Variants in RCOR1 observed in about 807,000 individuals in gnomAD.
RCOR1 encodes REST corepressor.
RCOR1 carries 12 observed loss-of-function variants against 64.0 expected under a neutral mutation model. That is an observed-to-expected ratio of 0.19 (90% CI 0.12 to 0.30). RCOR1 has a LOEUF of 0.30. Among genes scored for constraint, RCOR1 ranks in the 10% least tolerant of loss-of-function variants. The probability of loss-of-function intolerance (pLI) is 1.00; values close to 1 mark genes in which losing one functional copy is unlikely to be tolerated. For synonymous variants in RCOR1, 279 were observed against 227.2 expected (o/e 1.23, Z -2.05); for missense variants, 502 against 621.2 (o/e 0.81, Z 2.04).
intron 2 of RCOR1, among the ~76,000 whole-genome samples, chr14:102,675,450 G>A (rs964263950): frequency 2.0e-5 from 3 of 152,018 alleles, no homozygotes; most frequent in East Asian, 1.9e-4. Context: ...TGCCAACATC[G>A]CCAATACTTT....
intron 4 of RCOR1, among the ~76,000 whole-genome samples, 153 bp from the exon 5 acceptor site, chr14:102,707,198 A>G (rs926052630): frequency 1.3e-5 from 2 of 152,230 alleles, no homozygotes; most frequent in Non-Finnish European, 2.9e-5. Context: ...CAAAGAATAG[A>G]AAAAGGGGCC....
rs1896129197 is a variant in RCOR1, at chr14:102,719,306, G to T, written c.1054-1701G>T. On this transcript the variant is annotated intron_variant, in intron 8 of 11. Coordinates refer to ENST00000262241, the MANE Select transcript of RCOR1 (RefSeq NM_015156.4). ...TAGGGTACATGTGCACAACGTGCAG[G>T]TTTATTACATATGTATGCATGTGCC... Among the ~76,000 whole-genome samples, 3 of 152,128 alleles carry T rather than the reference G, an allele frequency of 2.0e-5. No individual in the cohort carries two copies. The South Asian group carries it at 6.2e-4, about 32-fold the overall frequency.
intron 2 of RCOR1, among the ~76,000 whole-genome samples, chr14:102,674,921 G>A (rs763613228): frequency 8.6e-5 from 13 of 151,718 alleles, no homozygotes; most frequent in Admixed American, 2.6e-4. Flanking sequence ...TTAGCAGGGC[G>A]TGGTGGCAGG....
Position 102,592,672 on chromosome 14 carries a change from G to C in RCOR1, c.-215G>C. On this transcript the variant is annotated 5_prime_UTR_variant, in exon 1 of 12. Transcript: ENST00000262241. ...TTGGTGCCAGTGAAGTGAGGGCGGC[G>C]ATGAGAGCGAAAGTTGCGCTCGGCT... 1 of 1,228,130 alleles carries C rather than the reference G, an allele frequency of 8.1e-7. No individual in the cohort carries two copies. Among genetic ancestry groups the C allele is most frequent in the East Asian group, 3.2e-5 (1 of 31,482 alleles). 76.1% of individuals were successfully genotyped at this position (1,228,130 alleles called of 1,614,324 possible). A position where few individuals can be genotyped will look rare whatever the true frequency, so the allele number is the denominator to read the frequency against.
chr14:102,696,673 G>A (rs1341289619), intron 3 of RCOR1, among the ~76,000 whole-genome samples: 1 of 152,148 alleles, frequency 6.6e-6, no homozygotes, highest in Non-Finnish European at 1.5e-5. Context: ...TAAGATTGTT[G>A]TTGCCAGAGT....
rs141893390 is a variant in RCOR1, at chr14:102,593,569, C to T, written c.361+244C>T. Reference sequence around the variant, plus strand: ...GGGCCGGCGCCGCTGCCCCCTTGCGCCTCCGAGGACTGCGGGTGGCGTCGG... The same window carrying T: ...GGGCCGGCGCCGCTGCCCCCTTGCGTCTCCGAGGACTGCGGGTGGCGTCGG... On this transcript the variant is annotated intron_variant, in intron 2 of 11. Coordinates refer to ENST00000262241, the MANE Select transcript of RCOR1 (RefSeq NM_015156.4). 6.6e-3 allele frequency among the ~76,000 whole-genome samples: 1,013 copies of T among 152,360 alleles called. 11 individuals are homozygous for T. Among genetic ancestry groups the T allele is most frequent in the African/African-American group, 0.023 (977 of 41,582 alleles).
intron 2 of RCOR1, among the ~76,000 whole-genome samples, chr14:102,626,681 G>T (rs779045207): frequency 3.8e-4 from 58 of 152,284 alleles, no homozygotes; most frequent in Non-Finnish European, 5.0e-4. Context: ...GCCACAGCAG[G>T]CACAGTGAGG....
intron 3 of RCOR1, among the ~76,000 whole-genome samples, chr14:102,684,118 A>C (rs765510370): frequency 6.6e-6 from 1 of 152,004 alleles, no homozygotes; most frequent in Non-Finnish European, 1.5e-5. Context: ...CCAGAATCCA[A>C]CTCGCACGGG....
At chr14:102,672,183 A>C (rs548378994) in intron 2 of RCOR1, among the ~76,000 whole-genome samples, 7 of 152,146 alleles carry the variant, frequency 4.6e-5, no homozygotes, top group Admixed American at 4.6e-4. Flanking sequence ...TGGGCTGTAT[A>C]CCTAGGAGTG....
At chr14:102,681,748 C>G in intron 2 of RCOR1, 147 bp from the exon 3 acceptor site, 1 of 566,820 alleles carries the variant, frequency 1.8e-6, no homozygotes, top group Non-Finnish European at 3.1e-6. Context: ...CCTCCCCCAT[C>G]TCCATCCTCA....
intron 2 of RCOR1, among the ~76,000 whole-genome samples, chr14:102,644,247 G>T (rs1048883254): frequency 2.0e-5 from 3 of 152,278 alleles, no homozygotes; most frequent in South Asian, 2.1e-4. Flanking sequence ...AGCAAGTATC[G>T]CAAGAAAACT....
chr14:102,630,305 T>C (rs1481058615), intron 2 of RCOR1, among the ~76,000 whole-genome samples: 10 of 152,212 alleles, frequency 6.6e-5, no homozygotes, highest in Non-Finnish European at 1.5e-4. Context: ...CCTTCCGCCA[T>C]GTGTGGAAGC....
At chr14:102,672,153 GAT>G (rs1157972874) in intron 2 of RCOR1, among the ~76,000 whole-genome samples, 1 of 152,108 alleles carries the variant, frequency 6.6e-6, no homozygotes, top group Non-Finnish European at 1.5e-5. Context: ...TTATTATGTG[GAT>G]ATATGTTTTT....
intron 3 of RCOR1, among the ~76,000 whole-genome samples, chr14:102,690,204 G>A (rs949953510): frequency 2.0e-5 from 3 of 152,088 alleles, no homozygotes; most frequent in East Asian, 1.9e-4. Flanking sequence ...TATGACATAC[G>A]CACAATTCAT....
At chr14:102,718,726 G>T (rs959629966) in intron 8 of RCOR1, among the ~76,000 whole-genome samples, 1 of 152,070 alleles carries the variant, frequency 6.6e-6, no homozygotes, top group African/African-American at 2.4e-5. Flanking sequence ...TTAGCATGAT[G>T]GTGGCAGTAA....
chr14:102,614,385 C>T (rs754605318), intron 2 of RCOR1, among the ~76,000 whole-genome samples: 4 of 151,854 alleles, frequency 2.6e-5, no homozygotes, highest in Non-Finnish European at 4.4e-5. Flanking sequence ...CCACCATGCC[C>T]GGCTAATTTT....
At chr14:102,703,807 A>G (rs566304225) in intron 4 of RCOR1, among the ~76,000 whole-genome samples, 7 of 152,366 alleles carry the variant, frequency 4.6e-5, no homozygotes, top group African/African-American at 1.7e-4. Context: ...AAGCCATGGA[A>G]GCTGTGGCTG....
At chr14:102,624,980 T>G (rs1227004427) in intron 2 of RCOR1, among the ~76,000 whole-genome samples, 1 of 152,010 alleles carries the variant, frequency 6.6e-6, no homozygotes, top group African/African-American at 2.4e-5. Context: ...CAAGTAATCC[T>G]TAGCCTCCCA....
chr14:102,708,646 C>A, intron 6 of RCOR1, 63 bp downstream of exon 6: 1 of 893,278 alleles, frequency 1.1e-6, no homozygotes, highest in Non-Finnish European at 1.8e-6. Flanking sequence ...CCCAGATACA[C>A]AAAGGCAAGG....
Sources: gnomAD v4.1 joint callset for allele counts (sites outside exome capture counted in the v4.1 genomes callset) on GRCh38, gnomAD v4.1.1 for gene constraint, MANE v1.5 for transcripts, NCBI Gene and HGNC (gene_info 2026-07-23, HGNC 2026-07-21) for gene names.